SLC8A1: variants seen among roughly 807,000 people sequenced by gnomAD.
SLC8A1 encodes the protein solute carrier family 8 member A1.
A neutral mutation model predicts 68.3 loss-of-function variants in SLC8A1; 18 were observed. That is an observed-to-expected ratio of 0.26 (90% CI 0.18 to 0.39). The LOEUF (loss-of-function observed/expected upper bound fraction) is 0.39. SLC8A1 is among the 10% of genes least tolerant of loss of function. SLC8A1 has a pLI of 1.00. For missense variants in SLC8A1, 985 were observed against 1,156.7 expected (o/e 0.85, Z 2.15); for synonymous variants, 475 against 415.5 (o/e 1.14, Z -1.74).
chr2:40,124,364 G>A (rs147465627), intron 7 of SLC8A1, among the ~76,000 whole-genome samples: 10 of 152,200 alleles, frequency 6.6e-5, no homozygotes, highest in African/African-American at 2.2e-4. Flanking sequence ...TTTTGAAGGG[G>A]CTGCTTTGTG....
At chr2:40,270,206 A>T (rs1024343481) in intron 2 of SLC8A1, among the ~76,000 whole-genome samples, 4 of 152,230 alleles carry the variant, frequency 2.6e-5, no homozygotes, top group African/African-American at 9.6e-5. Flanking sequence ...CAATTTCTCC[A>T]TCATAGGATC....
intron 1 of SLC8A1, among the ~76,000 whole-genome samples, chr2:40,448,758 T>G (rs1701904245): frequency 6.6e-6 from 1 of 152,124 alleles, no homozygotes; most frequent in Non-Finnish European, 1.5e-5. Flanking sequence ...TGGGAGGTTA[T>G]GATGAAGGAT....
At chr2:40,269,253 T>G (rs2149127779) in intron 2 of SLC8A1, among the ~76,000 whole-genome samples, 1 of 152,282 alleles carries the variant, frequency 6.6e-6, no homozygotes, top group East Asian at 1.9e-4. Flanking sequence ...ATTCTAACTT[T>G]CCAAAGATGA....
chr2:40,413,970 GCAT>G lies in SLC8A1; in HGVS notation c.1808+14500_1808+14502del, dbSNP rs1226932459. On this transcript the variant is annotated intron_variant, in intron 2 of 7. Coordinates refer to ENST00000406785, the Ensembl canonical transcript of SLC8A1. ...ACAGTTAAGAAAATTAATTTGTTGA[GCAT>G]CATATTTTATACTAATTAAAAAAGA... 1.9e-4 allele frequency among the ~76,000 whole-genome samples: 29 copies of G among 152,240 alleles called. No individual in the cohort carries two copies. In the South Asian group the frequency reaches 3.1e-3, roughly 16 times the overall value.
intron 2 of SLC8A1, chr2:40,210,048 T>TTCTAA (rs1403414878): frequency 1.3e-5 from 2 of 152,208 alleles, no homozygotes; most frequent in East Asian, 3.9e-4. Context: ...TATTTGCTAG[T>TTCTAA]TCTAATCTAA....
intron 2 of SLC8A1, among the ~76,000 whole-genome samples, chr2:40,238,355 G>A (rs1395968303): frequency 6.6e-6 from 1 of 152,220 alleles, no homozygotes; most frequent in Non-Finnish European, 1.5e-5. Flanking sequence ...TCGGGTGGGA[G>A]TGACCCGATT....
chr2:40,436,021 C>T (rs930032132), intron 1 of SLC8A1, among the ~76,000 whole-genome samples: 2 of 150,312 alleles, frequency 1.3e-5, no homozygotes, highest in Admixed American at 6.6e-5. Context: ...AATCTGCCTG[C>T]CTCAGCCCTA....
intron 7 of SLC8A1, among the ~76,000 whole-genome samples, chr2:40,117,613 T>C (rs2125083029): frequency 6.6e-6 from 1 of 151,610 alleles, no homozygotes; most frequent in Non-Finnish European, 1.5e-5. Context: ...CCTTGCACAG[T>C]AGGATTATAG....
At chr2:40,288,834 C>CATATATATATATAT (rs145077257) in intron 2 of SLC8A1, among the ~76,000 whole-genome samples, 5 of 132,672 alleles carry the variant, frequency 3.8e-5, no homozygotes, top group African/African-American at 1.7e-4. Flanking sequence ...ACTAAGTAAT[C>CATATATATATATAT]ATATATATAT....
intron 2 of SLC8A1, among the ~76,000 whole-genome samples, chr2:40,192,212 T>G (rs1053910254): frequency 1.3e-5 from 2 of 152,282 alleles, no homozygotes. Flanking sequence ...TCCAACAATC[T>G]TTCTAGTAAG....
chr2:40,179,380 C>A (rs1444750017), intron 2 of SLC8A1, among the ~76,000 whole-genome samples: 2 of 152,202 alleles, frequency 1.3e-5, no homozygotes, highest in East Asian at 3.8e-4. Context: ...CCTTATGGCG[C>A]TATGGCTATG....
chr2:40,300,881 T>C (rs763338084), intron 2 of SLC8A1, among the ~76,000 whole-genome samples: 3 of 152,198 alleles, frequency 2.0e-5, no homozygotes, highest in Admixed American at 1.3e-4. Context: ...AGAACTGTGA[T>C]GAGTTACCAA....
At chr2:40,469,382 C>A (rs1703878884) in intron 1 of SLC8A1, among the ~76,000 whole-genome samples, 1 of 152,052 alleles carries the variant, frequency 6.6e-6, no homozygotes, top group African/African-American at 2.4e-5. Flanking sequence ...CCCATGCCAC[C>A]ATGTGAAGAA....
chr2:40,311,090 A>G (rs1175959730), intron 2 of SLC8A1, among the ~76,000 whole-genome samples: 1 of 152,148 alleles, frequency 6.6e-6, no homozygotes, highest in Non-Finnish European at 1.5e-5. Context: ...TTACATTTTA[A>G]GTACATTAAT....
intron 1 of SLC8A1, among the ~76,000 whole-genome samples, chr2:40,469,831 TA>T (rs1350574310): frequency 6.6e-6 from 1 of 152,152 alleles, no homozygotes; most frequent in Non-Finnish European, 1.5e-5. Context: ...TCAGTGTTGC[TA>T]AAATTGTCAA....
At chr2:40,426,618 T>C (rs17025994) in intron 2 of SLC8A1, among the ~76,000 whole-genome samples, 27,491 of 151,966 alleles carry the variant, frequency 0.18, 3,473 homozygotes, top group East Asian at 0.68. Context: ...GATAAACCAG[T>C]ATAGAGTCCT....
chr2:40,386,976 A>T lies in SLC8A1; in HGVS notation c.1808+41497T>A, dbSNP rs895540381. Among the ~76,000 whole-genome samples, 4 of 151,528 alleles carry T rather than the reference A, an allele frequency of 2.6e-5. No homozygotes were observed. The East Asian group carries it at 7.7e-4, about 29-fold the overall frequency. On this transcript the variant is annotated intron_variant, in intron 2 of 7. Transcript: ENST00000406785. ...TAAACTCTCCAATGGTGTACACTTG[A>T]ATAAAGAGAAACTAGAATATCTTAA...
chr2:40,377,024 G>A (rs144581821), intron 2 of SLC8A1, among the ~76,000 whole-genome samples: 4 of 152,152 alleles, frequency 2.6e-5, no homozygotes, highest in African/African-American at 7.2e-5. Context: ...TATGGCAAAG[G>A]TGAGGGGATG....
intron 2 of SLC8A1, among the ~76,000 whole-genome samples, chr2:40,394,614 G>A (rs928754558): frequency 7.9e-5 from 12 of 152,022 alleles, no homozygotes; most frequent in African/African-American, 2.9e-4. Context: ...TGAAAATAAA[G>A]TTTGTGAACC....
Sources: allele counts gnomAD v4.1 joint callset (sites outside exome capture counted in the v4.1 genomes callset), GRCh38; gene constraint gnomAD v4.1.1; transcripts MANE v1.5; gene names NCBI Gene and HGNC (gene_info 2026-07-23, HGNC 2026-07-21).